Variants in GSTA5 observed in about 807,000 individuals in gnomAD.
The protein encoded by GSTA5 is glutathione S-transferase A5.
In GSTA5, 25 loss-of-function variants were observed where a neutral mutation model predicts 21.8. The ratio of observed to expected loss-of-function variants is 1.14; its 90% CI spans 0.83 to 1.60. GSTA5 has a LOEUF of 1.60. Among genes scored for constraint, GSTA5 ranks in the 40% most tolerant of loss-of-function variants. The pLI is 0.00. For synonymous variants in GSTA5, 102 were observed against 89.5 expected (o/e 1.14, Z -0.78); for missense variants, 330 against 259.2 (o/e 1.27, Z -1.88).
intron 4 of GSTA5, among the ~76,000 whole-genome samples, chr6:52,833,311 C>T (rs1764244232): frequency 1.3e-5 from 2 of 152,168 alleles, no homozygotes; most frequent in South Asian, 2.1e-4. Context: ...CTGCCCCAGG[C>T]CCTACAGCGT....
chr6:52,842,276 A>G (rs1764387205), upstream of GSTA5, among the ~76,000 whole-genome samples: 1 of 152,178 alleles, frequency 6.6e-6, no homozygotes, highest in Non-Finnish European at 1.5e-5. Context: ...CAGTGCCAGG[A>G]CTTAGGAACA....
At chr6:52,841,415 G>C (rs1468121423), upstream of GSTA5, among the ~76,000 whole-genome samples, 4 of 152,214 alleles carry the variant, frequency 2.6e-5, no homozygotes, top group African/African-American at 9.6e-5. Flanking sequence ...GTCACTGACA[G>C]GGAGGACCGG....
At chr6:52,837,129 G>A (rs112484593) in intron 2 of GSTA5, among the ~76,000 whole-genome samples, 1 of 152,108 alleles carries the variant, frequency 6.6e-6, no homozygotes, top group African/African-American at 2.4e-5. Context: ...GCCTGCAATA[G>A]TGCCACAGTG....
At position 52,835,162 on chromosome 6, in the gene GSTA5, T is replaced by C. The variant is rs554851893; in HGVS notation, c.273-880A>G. Among the ~76,000 whole-genome samples the C allele has an allele frequency of 9.2e-5, 14 of 152,328 alleles. No homozygotes were observed. In the South Asian group the frequency reaches 2.3e-3, roughly 25 times the overall value. ...GACATCTGTACCATTAGCGGTATTC[T>C]TCATTTATCTCCAAGCCCCACTCCT... On this transcript the variant is annotated intron_variant, in intron 3 of 5. Coordinates refer to ENST00000370989, the Ensembl canonical transcript of GSTA5.
chr6:52,832,728 T>A, intron 5 of GSTA5, 131 bp downstream of exon 5: 5 of 1,447,346 alleles, frequency 3.5e-6, no homozygotes, highest in Non-Finnish European at 4.7e-6. Context: ...TGGAAGCTCA[T>A]TTTGGAGACC....
intron 1 of GSTA5, among the ~76,000 whole-genome samples, chr6:52,838,219 T>C (rs769411769): frequency 2.0e-5 from 3 of 152,240 alleles, no homozygotes; most frequent in African/African-American, 7.2e-5. Context: ...ACTAACATTA[T>C]TTTTCATGAA....
Position 52,834,124 on chromosome 6 carries a change from T to G in GSTA5, c.414+17A>C, listed in dbSNP as rs1045997051. The G allele has an allele frequency of 2.5e-6, 4 of 1,614,018 alleles. No individual in the cohort carries two copies. In the African/African-American group the frequency reaches 5.3e-5, roughly 22 times the overall value. On this transcript the variant is annotated intron_variant, in intron 4 of 5. Coordinates refer to ENST00000370989, the Ensembl canonical transcript of GSTA5. ...GTCTAAACTCAGTTCCCCTAAACAT[T>G]GAACAGCTTCACTTACTTTTTCAAA...
At chr6:52,843,964 G>A (rs80217333), upstream of GSTA5, among the ~76,000 whole-genome samples, 353 of 152,296 alleles carry the variant, frequency 2.3e-3, 1 homozygote, top group African/African-American at 8.1e-3. Context: ...CTGGGGCAGA[G>A]GTTACCGTTG....
upstream of GSTA5, among the ~76,000 whole-genome samples, chr6:52,842,667 A>T (rs1265716255): frequency 6.6e-6 from 1 of 152,128 alleles, no homozygotes; most frequent in Non-Finnish European, 1.5e-5. Context: ...AGCCTTCCAA[A>T]GTGCTGGAAT....
chr6:52,840,604 T>C (rs1764358750), intron 1 of GSTA5, 123 bp downstream of exon 1: 2 of 903,398 alleles, frequency 2.2e-6, no homozygotes, highest in Middle Eastern at 2.2e-4. Flanking sequence ...TTTTTCTTAA[T>C]TACAGTCCAT....
intron 3 of GSTA5, 52 bp from the exon 4 acceptor site, chr6:52,834,334 T>G: frequency 6.4e-7 from 1 of 1,559,026 alleles, no homozygotes; most frequent in South Asian, 1.2e-5. Context: ...TTAGATTTTA[T>G]AGGTTTATAA....
upstream of GSTA5, among the ~76,000 whole-genome samples, chr6:52,844,618 C>T (rs1375445523): frequency 6.6e-6 from 1 of 152,168 alleles, no homozygotes; most frequent in Admixed American, 6.5e-5. Context: ...TAAACCATGA[C>T]TCCTCCCATT....
intron 1 of GSTA5, among the ~76,000 whole-genome samples, chr6:52,838,245 A>G (rs535890148): frequency 2.4e-4 from 36 of 152,276 alleles, no homozygotes; most frequent in Non-Finnish European, 4.3e-4. Context: ...CTGGTTTCTG[A>G]TGTGGTTTTG....
chr6:52,832,113 C>T (rs892390409), intron 5 of GSTA5, 143 bp from the exon 6 acceptor site: 3 of 1,173,906 alleles, frequency 2.6e-6, no homozygotes, highest in African/African-American at 3.1e-5. Context: ...AACAGACACC[C>T]AGTGAGAAAT....
chr6:52,834,348 C>T (rs1764263701), intron 3 of GSTA5, 66 bp from the exon 4 acceptor site: 2 of 1,513,646 alleles, frequency 1.3e-6, no homozygotes, highest in African/African-American at 2.8e-5. Context: ...TTTATAAAAA[C>T]CTAAGAAAAT....
intron 1 of GSTA5, among the ~76,000 whole-genome samples, chr6:52,839,154 CA>C (rs1361029042): frequency 3.9e-5 from 6 of 152,104 alleles, no homozygotes; most frequent in Non-Finnish European, 8.8e-5. Flanking sequence ...GGAGGGTAGA[CA>C]AGGTGGGGTG....
chr6:52,832,889 C>T (rs142283568), exon 5 of GSTA5: 9 of 1,613,980 alleles, frequency 5.6e-6, no homozygotes, highest in South Asian at 1.1e-5. Context: ...AGATAAGACT[C>T]GAGTCAAGCT....
intron 4 of GSTA5, among the ~76,000 whole-genome samples, chr6:52,833,342 G>A (rs9370153): frequency 0.98 from 149,651 of 152,090 alleles, 73,681 homozygotes; most frequent in East Asian, 1. Flanking sequence ...CATTCAGGAT[G>A]TGGCTCTACA....
intron 3 of GSTA5, among the ~76,000 whole-genome samples, chr6:52,835,965 C>A (rs1017485038): frequency 8.5e-5 from 13 of 152,320 alleles, no homozygotes; most frequent in Admixed American, 7.8e-4. Flanking sequence ...CCATCCTCCT[C>A]AGTTCATAGG....
Sources: gnomAD v4.1 joint callset for allele counts (sites outside exome capture counted in the v4.1 genomes callset) on GRCh38, gnomAD v4.1.1 for gene constraint, MANE v1.5 for transcripts, NCBI Gene and HGNC (gene_info 2026-07-23, HGNC 2026-07-21) for gene names.